Variants in ARL13A observed in about 807,000 individuals in gnomAD.
ARL13A encodes ARF like GTPase 13A.
In ARL13A, 16 loss-of-function variants were observed where a neutral mutation model predicts 19.1. That is an observed-to-expected ratio of 0.84 (90% confidence interval 0.57 to 1.27). The LOEUF (loss-of-function observed/expected upper bound fraction) is 1.27. Among genes scored for constraint, ARL13A ranks in the 50% most tolerant of loss-of-function variants. ARL13A has a pLI of 0.00. For synonymous variants in ARL13A, 69 were observed against 71.3 expected, an observed-to-expected ratio of 0.97 and a Z score of 0.17; for missense variants, 153 against 186.4, an observed-to-expected ratio of 0.82 and a Z score of 1.04.
At chrX:100,987,981 G>A (rs1392276649) in intron 6 of ARL13A, among the ~76,000 whole-genome samples, 1 of 111,711 alleles carries the variant, frequency 9.0e-6, no homozygotes, top group Non-Finnish European at 1.9e-5. Flanking sequence ...AGGAATGATG[G>A]GAGAGGACAG....
At chrX:100,986,731 C>A in intron 4 of ARL13A, 65 bp from the exon 5 acceptor site, 1 of 720,493 alleles carries the variant, frequency 1.4e-6, no homozygotes, top group Non-Finnish European at 2.1e-6. Context: ...TCTTTTCTCG[C>A]CTTTTGCTTC....
At chrX:100,981,337 G>A (rs2085851390) in intron 3 of ARL13A, among the ~76,000 whole-genome samples, 1 of 111,635 alleles carries the variant, frequency 9.0e-6, no homozygotes, top group South Asian at 3.8e-4. Context: ...GTAGTTTTCT[G>A]CTGTGACAGG....
chrX:100,987,053 T>G (rs1423279363), intron 5 of ARL13A, among the ~76,000 whole-genome samples, 152 bp downstream of exon 5: 1 of 111,762 alleles, frequency 8.9e-6, no homozygotes, highest in Non-Finnish European at 1.9e-5. Context: ...ATGGTGATAA[T>G]AAATATTGCA....
chrX:100,987,033 T>TG, intron 5 of ARL13A, 132 bp downstream of exon 5: 1 of 434,890 alleles, frequency 2.3e-6, no homozygotes, highest in Non-Finnish European at 4.0e-6. Flanking sequence ...CCACAGTGAT[T>TG]CCTGACTTGA....
Position 100,987,587 on chromosome X carries a change from T to C in ARL13A, c.653+31T>C, listed in dbSNP as rs771899644. 45 of 1,195,794 alleles carry C rather than the reference T, an allele frequency of 3.8e-5. No homozygotes were observed. The South Asian group carries it at 3.8e-4, about 10-fold the overall frequency. ...GAGATGCCGCTATGAGATTTGCTGA[T>C]AAGAAAAGCTGCAGGGATCAGTCTT... is the stretch of plus-strand genomic sequence containing the variant. On this transcript the variant is annotated intron_variant, in intron 6 of 7. Transcript: ENST00000450049.
rs59915769 is a variant in ARL13A at position 100,977,369 on chromosome X, C to CTTTTTTTTT, written c.130+3193_130+3201dup. 1.0e-3 allele frequency among the ~76,000 whole-genome samples: 59 copies of CTTTTTTTTT among 56,454 alleles called. 3 individuals are homozygous for CTTTTTTTTT. The highest frequency in any genetic ancestry group is 4.2e-3 in the African/African-American group (58 of 13,962). The allele number at this position is 56,454 out of a possible 115,157, so 49.0% of individuals were successfully genotyped here. On this transcript the variant is annotated intron_variant, in intron 3 of 7. Coordinates refer to ENST00000450049, the MANE Select transcript of ARL13A (RefSeq NM_001162491.2). ...GTAGTAATTATCCTTCTACTCTCTTCTTTTTTTTTTTTTTTTTTTTTTTTT... is the reference window on the plus strand; with the variant it reads ...GTAGTAATTATCCTTCTACTCTCTTCTTTTTTTTTTTTTTTTTTTTTTTTTTTTTTTTTT...
Position 100,974,186 on chromosome X carries a change from C to T in ARL13A, c.119C>T (p.Ala40Val), listed in dbSNP as rs550301990. 3.4e-6 allele frequency: 4 copies of T among 1,186,548 alleles called. No individual in the cohort carries two copies. Among genetic ancestry groups the T allele is most frequent in the African/African-American group, 1.7e-5 (1 of 57,158 alleles). ...NNSGKTVLVE[A>V]FQKLLPSKTD... ...TCTGGCAAAACTGTTCTTGTGGAGG[C>T]ATTCCAAAAATGTAAGGAACTAAGA... Residue 40 changes from alanine to valine, a missense_variant, in exon 3 of 8, where the codon GCA (alanine) becomes GTA (valine). Coordinates refer to ENST00000450049, the MANE Select transcript of ARL13A (RefSeq NM_001162491.2).
intron 3 of ARL13A, among the ~76,000 whole-genome samples, chrX:100,975,982 C>T (rs1468290948): frequency 1.8e-5 from 2 of 111,554 alleles, no homozygotes; most frequent in Admixed American, 9.6e-5. Flanking sequence ...TTAGCAGCTC[C>T]AAGCCTCACA....
chrX:100,988,453 G>A, intron 7 of ARL13A, 170 bp downstream of exon 7: 1 of 1,196,882 alleles, frequency 8.4e-7, no homozygotes, highest in Non-Finnish European at 1.1e-6. Flanking sequence ...GAAAGAAGGT[G>A]AATGTTCTAG....
chrX:100,987,389 G>A lies in ARL13A; in HGVS notation c.487-1G>A, dbSNP rs367690906. The A allele has an allele frequency of 1.7e-6, 2 of 1,209,408 alleles. No individual in the cohort carries two copies. The highest frequency in any genetic ancestry group is 2.2e-5 in the Admixed American group (1 of 45,836). ...CAGCCTTCTCTTCTCTTTTGTCACA[G>A]GAGCCATGTTCAGCCATCAGAAACC... On this transcript the variant is annotated splice_acceptor_variant, in intron 5 of 7. Transcript: ENST00000450049. LOFTEE classifies it high-confidence loss of function.
chrX:100,981,413 T>C (rs1172649922), intron 3 of ARL13A, among the ~76,000 whole-genome samples: 1 of 111,061 alleles, frequency 9.0e-6, no homozygotes, highest in Non-Finnish European at 1.9e-5. Flanking sequence ...ACAGATTCTC[T>C]CTGTGCCATG....
chrX:100,975,025 C>T (rs1387796540), intron 3 of ARL13A, among the ~76,000 whole-genome samples: 1 of 111,723 alleles, frequency 9.0e-6, no homozygotes, highest in African/African-American at 3.3e-5. Flanking sequence ...ATTTGTCCCC[C>T]CCAGTATTCA....
In ARL13A at chrX:100,990,764, A is replaced by AT. The variant is rs1429172019; in HGVS notation, c.*183dup. On this transcript the variant is annotated 3_prime_UTR_variant, in exon 8 of 8. Coordinates refer to ENST00000450049, the MANE Select transcript of ARL13A (RefSeq NM_001162491.2). The stretch of plus-strand genomic sequence containing the variant: ...ATACAGGGTTCATTTAGAAATAAGT[A>AT]TTTTTTTCTTTAAGGTTCTTAGGCA... 4 of 443,100 alleles carry AT rather than the reference A, an allele frequency of 9.0e-6. No individual in the cohort carries two copies. The highest frequency in any genetic ancestry group is 1.5e-5 in the Non-Finnish European group (4 of 266,474). 36.5% of individuals were successfully genotyped at this position (443,100 alleles called of 1,213,427 possible).
At position 100,987,570 on chromosome X, in the gene ARL13A, G is replaced by T. The variant is rs187178818; in HGVS notation, c.653+14G>T. The stretch of plus-strand genomic sequence containing the variant: ...CTCATCACACAGGTACTGAGATGCC[G>T]CTATGAGATTTGCTGATAAGAAAAG... On this transcript the variant is annotated intron_variant, in intron 6 of 7. Transcript: ENST00000450049. 8.3e-7 allele frequency: 1 copy of T among 1,205,147 alleles called. No homozygotes were observed. Among genetic ancestry groups the T allele is most frequent in the South Asian group, 1.8e-5 (1 of 56,120 alleles).
chrX:100,988,576 G>A, intron 7 of ARL13A: 2 of 984,278 alleles, frequency 2.0e-6, no homozygotes. Flanking sequence ...TGGATCAGTG[G>A]TTAGAGAAGA....
At chrX:100,974,691 G>A (rs944486457) in intron 3 of ARL13A, among the ~76,000 whole-genome samples, 8 of 111,310 alleles carry the variant, frequency 7.2e-5, no homozygotes, top group Admixed American at 6.7e-4. Flanking sequence ...GAGAAATGTC[G>A]TCAGTTCCGA....
chrX:100,973,282 CAG>C (rs1452864114), intron 1 of ARL13A, among the ~76,000 whole-genome samples: 1 of 81,801 alleles, frequency 1.2e-5, no homozygotes, highest in African/African-American at 4.5e-5. Flanking sequence ...GGCGGCCAGG[CAG>C]AGACACTCCT....
intron 3 of ARL13A, among the ~76,000 whole-genome samples, chrX:100,980,917 C>T (rs1050822008): frequency 1.8e-5 from 2 of 111,644 alleles, no homozygotes; most frequent in African/African-American, 6.5e-5. Flanking sequence ...ATGGGGGCTT[C>T]GGGACTCTGC....
chrX:100,988,851 CATATATATATAT>C (rs55947893), intron 7 of ARL13A, among the ~76,000 whole-genome samples: 30 of 79,676 alleles, frequency 3.8e-4, no homozygotes, highest in Middle Eastern at 5.9e-3. Context: ...TAATATATCT[CATATATATATAT>C]ATATATATAT....
Sources: gnomAD v4.1 joint callset for allele counts (sites outside exome capture counted in the v4.1 genomes callset) on GRCh38, gnomAD v4.1.1 for gene constraint, MANE v1.5 for transcripts, NCBI Gene and HGNC (gene_info 2026-07-23, HGNC 2026-07-21) for gene names.